The following ZFHX3 variants were observed in gnomAD, a reference collection of about 807,000 sequenced individuals.
ZFHX3 encodes the protein zinc finger homeobox 3, also known as zinc finger homeobox protein 3.
ZFHX3 carries 42 observed loss-of-function variants against 279.1 expected under a neutral mutation model. The observed-to-expected ratio is 0.15, with a 90% CI of 0.12 to 0.19. ZFHX3 has a LOEUF of 0.19. ZFHX3 is among the 10% of genes least tolerant of loss of function. The pLI, the probability that ZFHX3 is intolerant of heterozygous loss-of-function variation, is 1.00. For synonymous variants in ZFHX3, 2,293 were observed against 1,957.8 expected (o/e 1.17, Z -4.52); for missense variants, 4,981 against 4,754.0 (o/e 1.05, Z -1.40).
chr16:73,730,352 C>CAAAAAAAA (rs66477968), intron 1 of ZFHX3, among the ~76,000 whole-genome samples: 49 of 81,108 alleles, frequency 6.0e-4, no homozygotes, highest in East Asian at 1.1e-3. Context: ...CCTCCCCTCG[C>CAAAAAAAA]AAAAAAAAAA....
intron 4 of ZFHX3, among the ~76,000 whole-genome samples, chr16:73,305,848 A>G (rs1426534309): frequency 6.6e-6 from 1 of 152,196 alleles, no homozygotes; most frequent in East Asian, 1.9e-4. Flanking sequence ...TGGAGAGGGT[A>G]CAGTTCAGCA....
intron 8 of ZFHX3, among the ~76,000 whole-genome samples, chr16:73,072,317 G>A (rs1159359286): frequency 5.3e-5 from 8 of 151,952 alleles, no homozygotes; most frequent in Admixed American, 1.3e-4. Context: ...TGGTGGGGGC[G>A]CCTGTAATCC....
chr16:73,010,737 C>T (rs139933902), intron 1 of ZFHX3, among the ~76,000 whole-genome samples: 19 of 152,298 alleles, frequency 1.2e-4, no homozygotes, highest in Admixed American at 1.0e-3. Flanking sequence ...TTTGGGCACA[C>T]GAGTTCTACT....
At chr16:73,489,519 T>G (rs1048121513) in intron 2 of ZFHX3, among the ~76,000 whole-genome samples, 1 of 152,234 alleles carries the variant, frequency 6.6e-6, no homozygotes, top group Non-Finnish European at 1.5e-5. Flanking sequence ...ATTAACATCA[T>G]ACACTCTTAT....
intron 2 of ZFHX3, chr16:73,487,447 G>A (rs1251487878): frequency 2.3e-6 from 1 of 439,430 alleles, no homozygotes; most frequent in South Asian, 1.6e-5. Context: ...CTGTTGCCCA[G>A]GCTGGAGTGC....
At chr16:73,010,347 T>G (rs2065659825) in intron 1 of ZFHX3, among the ~76,000 whole-genome samples, 2 of 152,136 alleles carry the variant, frequency 1.3e-5, no homozygotes, top group Admixed American at 1.3e-4. Flanking sequence ...CAGCAGCCAC[T>G]GCCGCTAAAA....
intron 2 of ZFHX3, among the ~76,000 whole-genome samples, chr16:72,952,606 G>T (rs936126806): frequency 5.9e-5 from 9 of 152,160 alleles, no homozygotes; most frequent in Non-Finnish European, 1.2e-4. Context: ...ACTGCTGCAC[G>T]TTCAGGAAGT....
intron 1 of ZFHX3, among the ~76,000 whole-genome samples, chr16:73,881,451 A>T (rs62041530): frequency 1.4e-3 from 109 of 79,836 alleles, no homozygotes; most frequent in African/African-American, 1.7e-3. Context: ...ACACACACAC[A>T]CACTCTCTCT....
At chr16:73,177,499 T>C (rs962889456) in intron 5 of ZFHX3, among the ~76,000 whole-genome samples, 2 of 152,234 alleles carry the variant, frequency 1.3e-5, no homozygotes, top group Admixed American at 6.5e-5. Flanking sequence ...GTGCACAGCA[T>C]TGTGAGCCGC....
intron 3 of ZFHX3, among the ~76,000 whole-genome samples, chr16:72,933,168 G>C (rs1433846807): frequency 6.6e-6 from 1 of 152,192 alleles, no homozygotes; most frequent in Non-Finnish European, 1.5e-5. Flanking sequence ...GATCCCATTA[G>C]ATTTCCATGG....
At chr16:73,550,810 C>A (rs908424241) in intron 2 of ZFHX3, among the ~76,000 whole-genome samples, 3 of 152,168 alleles carry the variant, frequency 2.0e-5, no homozygotes, top group African/African-American at 7.2e-5. Flanking sequence ...CTGTTGTGAT[C>A]ATAAGGTTTC....
chr16:73,706,092 T>A (rs2053300339), intron 1 of ZFHX3, among the ~76,000 whole-genome samples: 1 of 151,354 alleles, frequency 6.6e-6, no homozygotes, highest in South Asian at 2.1e-4. Context: ...ATCGCTTGAG[T>A]CCAGGAGTTT....
chr16:73,428,877 C>T (rs1006763286), intron 3 of ZFHX3, among the ~76,000 whole-genome samples: 3 of 152,128 alleles, frequency 2.0e-5, no homozygotes, highest in Non-Finnish European at 4.4e-5. Context: ...TTGCGTTCTT[C>T]CCGTCAGCCT....
At chr16:73,356,115 C>G (rs1232643137) in intron 3 of ZFHX3, among the ~76,000 whole-genome samples, 1 of 152,190 alleles carries the variant, frequency 6.6e-6, no homozygotes. Context: ...AATAATACAG[C>G]CAAGAAACCA....
At chr16:73,266,659 C>A (rs1416966524) in intron 4 of ZFHX3, among the ~76,000 whole-genome samples, 1 of 152,108 alleles carries the variant, frequency 6.6e-6, no homozygotes, top group Non-Finnish European at 1.5e-5. Context: ...TCACAATTCC[C>A]ACATGTCATA....
intron 7 of ZFHX3, among the ~76,000 whole-genome samples, chr16:73,116,722 G>A (rs1375481241): frequency 6.6e-6 from 1 of 152,158 alleles, no homozygotes; most frequent in Admixed American, 6.5e-5. Context: ...GGCTAAGAGA[G>A]GTTCTTTCCA....
At chr16:73,403,862 T>G (rs1252662924) in intron 3 of ZFHX3, among the ~76,000 whole-genome samples, 1 of 151,976 alleles carries the variant, frequency 6.6e-6, no homozygotes, top group African/African-American at 2.4e-5. Flanking sequence ...ATCGGCAAAT[T>G]TGCCAAATGT....
At chr16:72,905,798 A>G (rs1336074097) in intron 3 of ZFHX3, among the ~76,000 whole-genome samples, 3 of 152,250 alleles carry the variant, frequency 2.0e-5, no homozygotes. Flanking sequence ...GCTTGTCTAC[A>G]GCTCCGATGA....
At chr16:73,487,432 T>A in intron 2 of ZFHX3, 1 of 437,556 alleles carries the variant, frequency 2.3e-6, no homozygotes, top group Non-Finnish European at 4.6e-6. Flanking sequence ...TGGCAGAGTC[T>A]CGATCTGTTG....
Sources: allele counts gnomAD v4.1 joint callset (sites outside exome capture counted in the v4.1 genomes callset), GRCh38; gene constraint gnomAD v4.1.1; transcripts MANE v1.5; gene names NCBI Gene and HGNC (gene_info 2026-07-23, HGNC 2026-07-21).